The following CFDP1 variants were observed in gnomAD, a reference collection of about 807,000 sequenced individuals.
CFDP1 encodes the protein chromatin remodeling protein CFDP1, also known as heterochromatin-stabilizing protein CFDP1.
In CFDP1, 31 loss-of-function variants were observed where a neutral mutation model predicts 40.1. That is an observed-to-expected ratio of 0.77 (90% CI 0.58 to 1.04). The LOEUF (loss-of-function observed/expected upper bound fraction) is 1.04, where lower values mean the gene tolerates loss of function less well. Ranked by LOEUF, CFDP1 falls within the 50% of genes least tolerant of loss-of-function variation. The pLI is 0.00. For synonymous variants in CFDP1, 167 were observed against 120.0 expected, an observed-to-expected ratio of 1.39 and a Z score of -2.56; for missense variants, 423 against 343.4, an observed-to-expected ratio of 1.23 and a Z score of -1.83.
intron 5 of CFDP1, among the ~76,000 whole-genome samples, chr16:75,373,875 A>G (rs1419979932): frequency 1.3e-5 from 2 of 152,208 alleles, no homozygotes; most frequent in Non-Finnish European, 2.9e-5. Context: ...CTTTCTAAAC[A>G]TGAGGCAATC....
intron 5 of CFDP1, among the ~76,000 whole-genome samples, chr16:75,356,796 A>G (rs1020893437): frequency 2.6e-5 from 4 of 152,192 alleles, no homozygotes; most frequent in Non-Finnish European, 5.9e-5. Context: ...TGTTTAGTGT[A>G]GCCACCTTCA....
intron 5 of CFDP1, among the ~76,000 whole-genome samples, chr16:75,312,639 A>G (rs1335237381): frequency 1.3e-5 from 2 of 152,326 alleles, no homozygotes; most frequent in Admixed American, 1.3e-4. Context: ...GAATTCTAGT[A>G]TCTCCAGAAA....
intron 5 of CFDP1, among the ~76,000 whole-genome samples, chr16:75,387,136 CTTTCT>C (rs1377676371): frequency 3.9e-4 from 44 of 112,880 alleles, no homozygotes; most frequent in African/African-American, 1.4e-3. Context: ...GTATTCTTTT[CTTTCT>C]TTTTTTTTTT....
intron 4 of CFDP1, 32 bp downstream of exon 4, chr16:75,411,793 G>C: frequency 6.3e-7 from 1 of 1,593,422 alleles, no homozygotes; most frequent in Non-Finnish European, 8.5e-7. Flanking sequence ...TTTTGAAAAT[G>C]CTAGTTTCAA....
rs1555552218 is a variant in CFDP1 at position 75,303,400 on chromosome 16, A to ATGTATGTATGTATGTATGT, written c.809+1623_809+1624insACATACATACATACATACA. On this transcript the variant is annotated intron_variant, in intron 6 of 6. Coordinates refer to ENST00000283882, the MANE Select transcript of CFDP1 (RefSeq NM_006324.3). ...AAATAAATAAATAAATAAATAAATA[A>ATGTATGTATGTATGTATGT]ATGTATGTATGTATGTATGTATGTA... Among the ~76,000 whole-genome samples the ATGTATGTATGTATGTATGT allele has an allele frequency of 2.2e-3, 322 of 146,236 alleles. 1 individual carries two copies. The highest frequency in any genetic ancestry group is 5.5e-3 in the African/African-American group (214 of 38,920).
chr16:75,395,096 C>T lies in CFDP1; in HGVS notation c.644G>A (p.Gly215Glu), dbSNP rs1567670316. The part of the protein sequence containing the change: ...VPSALPSLPA[G>E]SGLKRSSGMS... ...GTGAGACTCAAATACTCACCCTGAC[C>T]CGGCAGGGAGTGATGGCAGAGCTGA... Residue 215 changes from glycine to glutamate, a missense_variant, in exon 5 of 7, where the codon GGG becomes GAG. Coordinates refer to ENST00000283882, the MANE Select transcript of CFDP1 (RefSeq NM_006324.3). 2 of 1,613,652 alleles carry T rather than the reference C, an allele frequency of 1.2e-6. No homozygotes were observed. Among genetic ancestry groups the T allele is most frequent in the Non-Finnish European group, 8.5e-7 (1 of 1,179,760 alleles).
chr16:75,317,898 G>A (rs1351815302), intron 5 of CFDP1, among the ~76,000 whole-genome samples: 2 of 151,936 alleles, frequency 1.3e-5, no homozygotes, highest in East Asian at 1.9e-4. Context: ...ATTACCTAAC[G>A]TCAGGAGTTC....
Position 75,395,188 on chromosome 16 carries a change from A to T in CFDP1, c.552T>A (p.Ala184=). The stretch of plus-strand genomic sequence containing the variant: ...AGAAGGATTTGGCCTCTTTAGATGT[A>T]GCATCCACTTCCTTAGTTACCCTGT... ...EEVRVTKEVD[A]TSKEAKSFFK... is the part of the protein sequence containing the mutation. The change falls in exon 5 of 7, where the codon GCT becomes GCA. Residue 184 remains alanine, a synonymous_variant. Coordinates refer to ENST00000283882, the MANE Select transcript of CFDP1 (RefSeq NM_006324.3). 1 of 1,613,700 alleles carries T rather than the reference A, an allele frequency of 6.2e-7. No homozygotes were observed. The highest frequency in any genetic ancestry group is 1.1e-5 in the South Asian group (1 of 91,080).
intron 5 of CFDP1, chr16:75,305,456 G>A (rs889297308): frequency 1.4e-5 from 5 of 346,472 alleles, no homozygotes; most frequent in Non-Finnish European, 2.1e-5. Context: ...TGTGTGGCAG[G>A]TCTCTGCTTG....
chr16:75,374,317 T>A (rs775336374), intron 5 of CFDP1, among the ~76,000 whole-genome samples: 2 of 152,124 alleles, frequency 1.3e-5, no homozygotes, highest in African/African-American at 4.8e-5. Flanking sequence ...GATAAATGTA[T>A]AGGCAATAAG....
chr16:75,360,981 T>G (rs1332920211), intron 5 of CFDP1, among the ~76,000 whole-genome samples: 1 of 152,144 alleles, frequency 6.6e-6, no homozygotes, highest in East Asian at 1.9e-4. Context: ...TTTTGGCTAT[T>G]CTTTCAAACA....
intron 5 of CFDP1, among the ~76,000 whole-genome samples, chr16:75,321,734 T>G (rs1567644898): frequency 6.6e-6 from 1 of 152,188 alleles, no homozygotes; most frequent in Non-Finnish European, 1.5e-5. Flanking sequence ...AATTTAAGAT[T>G]ATATATAAGC....
intron 1 of CFDP1, among the ~76,000 whole-genome samples, chr16:75,432,798 G>C (rs12917651): frequency 6.6e-6 from 1 of 151,950 alleles, no homozygotes; most frequent in Non-Finnish European, 1.5e-5. Context: ...TGAGAGGAGA[G>C]GATGGGTGGA....
chr16:75,313,819 T>A (rs1250837984), intron 5 of CFDP1, among the ~76,000 whole-genome samples: 1 of 150,318 alleles, frequency 6.7e-6, no homozygotes, highest in African/African-American at 2.4e-5. Flanking sequence ...AAAGTCTGAG[T>A]TGCTGCCCCT....
intron 1 of CFDP1, among the ~76,000 whole-genome samples, chr16:75,416,322 A>G (rs1384889443): frequency 6.6e-6 from 1 of 152,182 alleles, no homozygotes; most frequent in Non-Finnish European, 1.5e-5. Flanking sequence ...AAACTTAAGG[A>G]AAAAGGATTT....
chr16:75,346,284 G>A (rs187748964), intron 5 of CFDP1, among the ~76,000 whole-genome samples: 1 of 152,214 alleles, frequency 6.6e-6, no homozygotes, highest in African/African-American at 2.4e-5. Flanking sequence ...ACTCTCCAGT[G>A]TAAAGAGCAC....
chr16:75,321,186 A>G (rs371373324), intron 5 of CFDP1, among the ~76,000 whole-genome samples: 2 of 152,166 alleles, frequency 1.3e-5, no homozygotes, highest in East Asian at 3.8e-4. Context: ...CCTGATCCTG[A>G]ACTCCTGGGC....
intron 5 of CFDP1, among the ~76,000 whole-genome samples, chr16:75,331,384 T>A (rs1316530730): frequency 1.3e-5 from 2 of 152,192 alleles, no homozygotes; most frequent in East Asian, 3.8e-4. Context: ...CCCAAAGTGC[T>A]GGGATTACAG....
At chr16:75,322,777 T>C (rs1288496283) in intron 5 of CFDP1, among the ~76,000 whole-genome samples, 2 of 150,300 alleles carry the variant, frequency 1.3e-5, no homozygotes, top group Non-Finnish European at 3.0e-5. Context: ...AAAAAAAAAA[T>C]CCCAAATCGG....
Sources: allele counts gnomAD v4.1 joint callset (sites outside exome capture counted in the v4.1 genomes callset), GRCh38; gene constraint gnomAD v4.1.1; transcripts MANE v1.5; gene names NCBI Gene and HGNC (gene_info 2026-07-23, HGNC 2026-07-21).